The following PUM3 variants were observed in gnomAD, a reference collection of about 807,000 sequenced individuals.
PUM3 encodes pumilio homolog 3.
A neutral mutation model predicts 84.0 loss-of-function variants in PUM3; 91 were observed. The ratio of observed to expected loss-of-function variants is 1.08; its 90% CI spans 0.91 to 1.29. The LOEUF (loss-of-function observed/expected upper bound fraction) is 1.29. PUM3 is among the 50% of genes most tolerant of loss of function. The pLI is 0.00. For missense variants in PUM3, 1,067 were observed against 767.5 expected (o/e 1.39, Z -4.61); for synonymous variants, 321 against 266.7 (o/e 1.20, Z -1.98).
intron 10 of PUM3, among the ~76,000 whole-genome samples, chr9:2,826,534 T>A (rs931119465): frequency 1.3e-5 from 2 of 152,206 alleles, no homozygotes; most frequent in East Asian, 1.9e-4. Flanking sequence ...GACAATGAGC[T>A]CACTGTATGA....
chr9:2,826,163 T>A (rs1391275611), intron 10 of PUM3, among the ~76,000 whole-genome samples: 1 of 152,110 alleles, frequency 6.6e-6, no homozygotes, highest in East Asian at 1.9e-4. Flanking sequence ...TTTGTCTCAT[T>A]ACTTTACACG....
chr9:2,805,535 T>A (rs559691684), intron 17 of PUM3, among the ~76,000 whole-genome samples: 1 of 152,244 alleles, frequency 6.6e-6, no homozygotes, highest in Non-Finnish European at 1.5e-5. Context: ...CACCAAGCAA[T>A]ATTCTACTGC....
rs565794556 is a variant in PUM3, at chr9:2,826,430, G to A, written c.1035+643C>T. Among the ~76,000 whole-genome samples, 41 of 152,138 alleles carry A rather than the reference G, an allele frequency of 2.7e-4. No individual in the cohort carries two copies. In the South Asian group the frequency reaches 4.4e-3, roughly 16 times the overall value. ...TATTTTGCATGCCAATTTTAAGAGG[G>A]TCAAAACTCCAATGAATGTATAGTC... is the stretch of plus-strand genomic sequence containing the variant. On this transcript the variant is annotated intron_variant, in intron 10 of 17. Coordinates refer to ENST00000397885, the MANE Select transcript of PUM3 (RefSeq NM_014878.5).
intron 5 of PUM3, among the ~76,000 whole-genome samples, 200 bp downstream of exon 5, chr9:2,833,157 A>C (rs952140821): frequency 2.2e-4 from 33 of 152,172 alleles, no homozygotes; most frequent in African/African-American, 7.5e-4. Flanking sequence ...AAAGACTGAT[A>C]ATCTTTTCAA....
chr9:2,812,609 T>C (rs1821396537), intron 13 of PUM3, among the ~76,000 whole-genome samples: 1 of 152,228 alleles, frequency 6.6e-6, no homozygotes, highest in Non-Finnish European at 1.5e-5. Context: ...TGGTGAAGAA[T>C]ACATACTTAA....
chr9:2,829,502 A>C (rs1353501808), intron 8 of PUM3, among the ~76,000 whole-genome samples: 1 of 152,230 alleles, frequency 6.6e-6, no homozygotes, highest in Non-Finnish European at 1.5e-5. Context: ...TGACTGTAAA[A>C]ATAGAAGTAT....
At chr9:2,810,841 A>G (rs1191072304) in intron 15 of PUM3, among the ~76,000 whole-genome samples, 1 of 152,136 alleles carries the variant, frequency 6.6e-6, no homozygotes, top group East Asian at 1.9e-4. Context: ...TTAAGTACAC[A>G]TGACCACCGA....
chr9:2,813,262 A>C (rs763872996), intron 13 of PUM3, among the ~76,000 whole-genome samples: 20 of 152,350 alleles, frequency 1.3e-4, no homozygotes, highest in Middle Eastern at 3.4e-3. Flanking sequence ...CTGTTTTCAA[A>C]GATAGAAAAG....
chr9:2,813,661 G>T (rs1821412972), intron 13 of PUM3, among the ~76,000 whole-genome samples: 1 of 152,152 alleles, frequency 6.6e-6, no homozygotes, highest in South Asian at 2.1e-4. Context: ...GATGAGATTA[G>T]TAATTTTAGT....
intron 15 of PUM3, among the ~76,000 whole-genome samples, chr9:2,810,660 G>A (rs191501403): frequency 7.4e-4 from 113 of 152,228 alleles, no homozygotes; most frequent in Middle Eastern, 3.4e-3. Context: ...ACACAGCCAC[G>A]GCACAGCGCT....
rs202044567 is a variant in PUM3 at position 2,823,733 on chromosome 9, C to T, written c.1188+48G>A. On this transcript the variant is annotated intron_variant, in intron 12 of 17. Coordinates refer to ENST00000397885, the MANE Select transcript of PUM3 (RefSeq NM_014878.5). ...AAATTTTCTATAATAGACATGAATTCATCTTACTATCAAAAATAATTAGAA... is the reference window on the plus strand; with the variant it reads ...AAATTTTCTATAATAGACATGAATTTATCTTACTATCAAAAATAATTAGAA... 3.5e-4 allele frequency: 289 copies of T among 816,290 alleles called. 1 individual carries two copies. In the East Asian group the frequency reaches 8.3e-3, roughly 23 times the overall value. 50.6% of individuals were successfully genotyped at this position (816,290 alleles called of 1,614,324 possible).
chr9:2,834,893 C>T (rs1297518314), intron 3 of PUM3, among the ~76,000 whole-genome samples: 2 of 151,020 alleles, frequency 1.3e-5, no homozygotes, highest in Non-Finnish European at 2.9e-5. Context: ...CTAATGATGC[C>T]AAACAAAGAA....
chr9:2,823,735 TCTTA>T (rs754648673), intron 12 of PUM3, 42 bp downstream of exon 12: 3 of 856,164 alleles, frequency 3.5e-6, no homozygotes, highest in Non-Finnish European at 3.6e-6. Flanking sequence ...CATGAATTCA[TCTTA>T]CTATCAAAAA....
intron 3 of PUM3, among the ~76,000 whole-genome samples, chr9:2,835,956 A>C (rs1001592394): frequency 2.0e-5 from 3 of 152,222 alleles, no homozygotes; most frequent in Non-Finnish European, 1.5e-5. Flanking sequence ...GTAGAGAAAG[A>C]AAGATTTGGG....
chr9:2,805,678 T>C (rs1372448615), intron 17 of PUM3, among the ~76,000 whole-genome samples: 2 of 152,202 alleles, frequency 1.3e-5, no homozygotes, highest in Non-Finnish European at 2.9e-5. Flanking sequence ...ATACAACACA[T>C]AATAGTAAGT....
intron 5 of PUM3, among the ~76,000 whole-genome samples, chr9:2,832,335 T>C (rs1234541388): frequency 6.6e-6 from 1 of 152,198 alleles, no homozygotes; most frequent in Non-Finnish European, 1.5e-5. Flanking sequence ...AGTAAGGTTA[T>C]GAGAAGGAAC....
intron 12 of PUM3, among the ~76,000 whole-genome samples, chr9:2,821,443 CAAAAAAAA>C (rs572752267): frequency 2.0e-5 from 1 of 50,130 alleles, no homozygotes; most frequent in Non-Finnish European, 3.7e-5. Flanking sequence ...GACTCTGTCT[CAAAAAAAA>C]AAAAAAAAAA....
intron 5 of PUM3, among the ~76,000 whole-genome samples, chr9:2,833,004 T>G (rs989807567): frequency 6.6e-6 from 1 of 152,192 alleles, no homozygotes; most frequent in Non-Finnish European, 1.5e-5. Context: ...ATCACAAATA[T>G]AAAGAAGTTG....
chr9:2,812,147 G>A, intron 14 of PUM3, 73 bp downstream of exon 14: 2 of 1,292,146 alleles, frequency 1.5e-6, no homozygotes, highest in Non-Finnish European at 2.2e-6. Context: ...ATGGGTAAGT[G>A]GACTTCTGGA....
Sources: allele counts gnomAD v4.1 joint callset (sites outside exome capture counted in the v4.1 genomes callset), GRCh38; gene constraint gnomAD v4.1.1; transcripts MANE v1.5; gene names NCBI Gene and HGNC (gene_info 2026-07-23, HGNC 2026-07-21).